The following PLCE1 variants were observed in gnomAD, a reference collection of about 807,000 sequenced individuals.
PLCE1 encodes phospholipase C epsilon 1, also known as 1-phosphatidylinositol 4,5-bisphosphate phosphodiesterase epsilon-1.
In PLCE1, 119 loss-of-function variants were observed where a neutral mutation model predicts 242.8. That is an observed-to-expected ratio of 0.49 (90% CI 0.42 to 0.57). The LOEUF (loss-of-function observed/expected upper bound fraction) is 0.57, where lower values mean the gene tolerates loss of function less well. Ranked by LOEUF, PLCE1 falls within the 20% of genes least tolerant of loss-of-function variation. PLCE1 has a pLI of 0.00. For missense variants in PLCE1, 2,441 were observed against 2,788.8 expected (o/e 0.88, Z 2.81); for synonymous variants, 945 against 1,017.4 (o/e 0.93, Z 1.35).
At chr10:94,204,707 G>A (rs1020674423) in intron 4 of PLCE1, among the ~76,000 whole-genome samples, 1 of 148,302 alleles carries the variant, frequency 6.7e-6, no homozygotes, top group East Asian at 2.0e-4. Flanking sequence ...AAGAAAGGAA[G>A]GAAGAAAAGA....
intron 8 of PLCE1, among the ~76,000 whole-genome samples, chr10:94,247,354 T>C (rs2050721473): frequency 6.6e-6 from 1 of 151,134 alleles, no homozygotes; most frequent in Non-Finnish European, 1.5e-5. Context: ...TTATACTACA[T>C]AAAAATAGTC....
intron 4 of PLCE1, among the ~76,000 whole-genome samples, chr10:94,201,358 T>G (rs927357974): frequency 6.6e-6 from 1 of 152,212 alleles, no homozygotes; most frequent in Non-Finnish European, 1.5e-5. Flanking sequence ...TGAGGTGGTA[T>G]AGCAGAAGTG....
intron 6 of PLCE1, among the ~76,000 whole-genome samples, chr10:94,234,886 G>A (rs1169136158): frequency 1.3e-5 from 2 of 152,166 alleles, no homozygotes; most frequent in Non-Finnish European, 1.5e-5. Context: ...TTGGAGAGAA[G>A]GGGAGTTGAG....
At chr10:94,173,674 C>A (rs2136344535) in intron 4 of PLCE1, among the ~76,000 whole-genome samples, 1 of 152,258 alleles carries the variant, frequency 6.6e-6, no homozygotes. Context: ...TTCACTAATT[C>A]AGAGTTAGAG....
intron 2 of PLCE1, among the ~76,000 whole-genome samples, chr10:94,058,356 T>C (rs1399309750): frequency 1.3e-5 from 2 of 152,174 alleles, no homozygotes; most frequent in African/African-American, 4.8e-5. Flanking sequence ...ATATCAATAA[T>C]GATAACAACC....
intron 11 of PLCE1, among the ~76,000 whole-genome samples, chr10:94,258,540 A>C (rs2051182299): frequency 6.6e-6 from 1 of 152,254 alleles, no homozygotes; most frequent in African/African-American, 2.4e-5. Flanking sequence ...GATTTGATTA[A>C]TAGAGGAATA....
At chr10:94,125,803 AGC>A (rs1472667501) in intron 2 of PLCE1, among the ~76,000 whole-genome samples, 3 of 152,198 alleles carry the variant, frequency 2.0e-5, no homozygotes, top group Admixed American at 6.5e-5. Context: ...TCTGAAACAG[AGC>A]AAGTACAAAA....
Position 94,208,332 on chromosome 10 carries a change from C to T in PLCE1, c.1810-18974C>T, listed in dbSNP as rs376448099. 5.9e-5 allele frequency among the ~76,000 whole-genome samples: 9 copies of T among 152,310 alleles called. No homozygotes were observed. The South Asian group carries it at 1.7e-3, about 28-fold the overall frequency. The stretch of plus-strand genomic sequence containing the variant: ...GCATCACCTAAGTCTGGCAATGAAA[C>T]CTCAGAGAGACCCAGGCTGAGGGCC... On this transcript the variant is annotated intron_variant, in intron 4 of 32. Transcript: ENST00000371380.
intron 2 of PLCE1, among the ~76,000 whole-genome samples, chr10:94,118,093 A>G (rs1194341387): frequency 2.0e-5 from 3 of 152,180 alleles, no homozygotes; most frequent in African/African-American, 2.4e-5. Flanking sequence ...TGTAAATTGG[A>G]AGGTTTTTTA....
At chr10:94,120,362 T>A (rs1242217572) in intron 2 of PLCE1, among the ~76,000 whole-genome samples, 1 of 152,198 alleles carries the variant, frequency 6.6e-6, no homozygotes, top group African/African-American at 2.4e-5. Flanking sequence ...CAGCTTTCAG[T>A]CTTATTGGCA....
chr10:94,189,089 A>G (rs1420504985), intron 4 of PLCE1, among the ~76,000 whole-genome samples: 2 of 151,082 alleles, frequency 1.3e-5, no homozygotes, highest in East Asian at 3.9e-4. Context: ...GATAGTCGCC[A>G]TGCATGTTAG....
intron 1 of PLCE1, among the ~76,000 whole-genome samples, chr10:94,015,882 A>G (rs1305814912): frequency 1.3e-5 from 2 of 152,194 alleles, no homozygotes; most frequent in Non-Finnish European, 2.9e-5. Context: ...CCCTTTGATA[A>G]ATATCAATTA....
chr10:94,233,727 C>T (rs2050221806), intron 5 of PLCE1, among the ~76,000 whole-genome samples: 1 of 152,104 alleles, frequency 6.6e-6, no homozygotes, highest in Non-Finnish European at 1.5e-5. Flanking sequence ...GCAGGTGGAT[C>T]GCCTGAGGTC....
chr10:94,012,269 T>C (rs2061184088), intron 1 of PLCE1, among the ~76,000 whole-genome samples: 2 of 152,038 alleles, frequency 1.3e-5, no homozygotes, highest in South Asian at 4.2e-4. Context: ...CTGGTTTATC[T>C]TTTGAGGCCT....
At chr10:94,213,572 A>G (rs1057203148) in intron 4 of PLCE1, among the ~76,000 whole-genome samples, 3 of 151,908 alleles carry the variant, frequency 2.0e-5, no homozygotes, top group African/African-American at 7.3e-5. Context: ...TTCACTGCCA[A>G]CTTTCCTTGG....
At chr10:94,063,419 C>T (rs1013212259) in intron 2 of PLCE1, among the ~76,000 whole-genome samples, 2 of 152,130 alleles carry the variant, frequency 1.3e-5, no homozygotes, top group Non-Finnish European at 2.9e-5. Flanking sequence ...TTCCACCATC[C>T]TAGATGGAAT....
At chr10:94,027,456 G>C (rs897620602) in intron 1 of PLCE1, among the ~76,000 whole-genome samples, 1 of 152,190 alleles carries the variant, frequency 6.6e-6, no homozygotes, top group African/African-American at 2.4e-5. Flanking sequence ...TAGTAAGCTG[G>C]AGGCAAAGCA....
chr10:94,106,195 C>T (rs2045727239), intron 2 of PLCE1: 1 of 152,184 alleles, frequency 6.6e-6, no homozygotes, highest in Non-Finnish European at 1.5e-5. Context: ...TTTTCACCCA[C>T]TTCAAAAAGA....
intron 3 of PLCE1, among the ~76,000 whole-genome samples, chr10:94,136,822 T>G (rs1171338627): frequency 1.3e-5 from 2 of 152,222 alleles, no homozygotes; most frequent in African/African-American, 4.8e-5. Flanking sequence ...GCCCTTATCA[T>G]AAGTGTGTGC....
Sources: gnomAD v4.1 joint callset for allele counts (sites outside exome capture counted in the v4.1 genomes callset) on GRCh38, gnomAD v4.1.1 for gene constraint, MANE v1.5 for transcripts, NCBI Gene and HGNC (gene_info 2026-07-23, HGNC 2026-07-21) for gene names.